DDX3X: variants seen among roughly 807,000 people sequenced by gnomAD.
The protein encoded by DDX3X is DEAD-box helicase 3 X-linked, also known as ATP-dependent RNA helicase DDX3X.
A neutral mutation model predicts 52.7 loss-of-function variants in DDX3X; 4 were observed. That is an observed-to-expected ratio of 0.08 (90% confidence interval 0.04 to 0.17). The LOEUF (loss-of-function observed/expected upper bound fraction) is 0.17. Ranked by LOEUF, DDX3X falls within the 10% of genes least tolerant of loss-of-function variation. DDX3X has a pLI of 1.00. For missense variants in DDX3X, 222 were observed against 548.6 expected (o/e 0.40, Z 5.95); for synonymous variants, 192 against 178.1 (o/e 1.08, Z -0.62).
At chrX:41,341,038 T>C (rs961410413) in intron 3 of DDX3X, 3 of 212,389 alleles carry the variant, frequency 1.4e-5, no homozygotes, top group African/African-American at 8.8e-5. Context: ...CGTGCTGGAG[T>C]GCAGTGGCGC....
chrX:41,347,814 C>T lies in DDX3X; in HGVS notation c.*95C>T, dbSNP rs755187450. The stretch of plus-strand genomic sequence containing the variant: ...TACCTTGTGTAGCTTCAAGAACTCG[C>T]AGTACATTACCAGCTGTGATTCTCC... On this transcript the variant is annotated 3_prime_UTR_variant, in exon 17 of 17. Transcript: ENST00000644876. 45 of 565,068 alleles carry T rather than the reference C, an allele frequency of 8.0e-5. No homozygotes were observed. Among genetic ancestry groups the T allele is most frequent in the Non-Finnish European group, 1.2e-4 (42 of 352,817 alleles). The allele number at this position is 565,068 out of a possible 1,213,427, so 46.6% of individuals were successfully genotyped here.
chrX:41,338,589 T>C (rs752501112), intron 2 of DDX3X: 1 of 112,267 alleles, frequency 8.9e-6, no homozygotes, highest in South Asian at 3.7e-4. Flanking sequence ...TTTGCAGCTT[T>C]TCCTTGTTTA....
chrX:41,339,510 T>A (rs1243038316), intron 3 of DDX3X: 1 of 112,900 alleles, frequency 8.9e-6, no homozygotes, highest in Non-Finnish European at 1.9e-5. Flanking sequence ...GTTACAGCGT[T>A]GGAAGTGATT....
At chrX:41,350,798 C>T (rs1402182397), downstream of DDX3X, 2 of 111,868 alleles carry the variant, frequency 1.8e-5, no homozygotes, top group African/African-American at 6.5e-5. Flanking sequence ...GCTTACTGTA[C>T]ACACTGCTGC....
Position 41,346,544 on chromosome X carries a change from G to A in DDX3X, c.1537G>A (p.Val513Ile), listed in dbSNP as rs2063927856. 1 of 1,209,691 alleles carries A rather than the reference G, an allele frequency of 8.3e-7. No individual in the cohort carries two copies. ...ACTGGACATTTCAAATGTGAAACAT[G>A]TTATCAATTTTGACTTGCCAAGTGA... ...RGLDISNVKH[V>I]INFDLPSDIE... Residue 513 changes from valine to isoleucine, a missense_variant, in exon 14 of 17, where the codon GTT becomes ATT. Transcript: ENST00000644876.
chrX:41,341,789 G>A, intron 4 of DDX3X, 173 bp downstream of exon 4: 1 of 408,043 alleles, frequency 2.5e-6, no homozygotes, highest in South Asian at 4.7e-5. Flanking sequence ...ATGAAAATAG[G>A]AATATGCTCA....
At chrX:41,334,830 C>T (rs1357772459) in intron 1 of DDX3X, 2 of 850,324 alleles carry the variant, frequency 2.4e-6, no homozygotes, top group East Asian at 8.2e-5. Context: ...TGGCGGCGGC[C>T]TCTTTTGTGT....
At chrX:41,361,537 C>T (rs1054832036) in intron 5 of DDX3X, among the ~76,000 whole-genome samples, 1 of 110,630 alleles carries the variant, frequency 9.0e-6, no homozygotes, top group Non-Finnish European at 1.9e-5. Context: ...AAAAAAGTCA[C>T]AGTCACCTAT....
rs770884779 is a variant in DDX3X at position 41,337,391 on chromosome X, A to G, written c.46-17A>G. ...TATTTGAGCACATGGGGTGCTAACCATCTCACTCTCTTCTAGTTTGCTGGC... is the reference window on the plus strand; with the variant it reads ...TATTTGAGCACATGGGGTGCTAACCGTCTCACTCTCTTCTAGTTTGCTGGC... On this transcript the variant is annotated splice_polypyrimidine_tract_variant and intron_variant, in intron 1 of 16. Coordinates refer to ENST00000644876, the MANE Select transcript of DDX3X (RefSeq NM_001356.5). The G allele has an allele frequency of 3.3e-6, 4 of 1,202,664 alleles. No individual in the cohort carries two copies. The highest frequency in any genetic ancestry group is 2.3e-6 in the Non-Finnish European group (2 of 887,935).
chrX:41,346,167 A>C, intron 12 of DDX3X, 62 bp from the exon 13 acceptor site: 1 of 1,009,838 alleles, frequency 9.9e-7, no homozygotes, highest in Non-Finnish European at 1.4e-6. Context: ...AATTGTGCAT[A>C]CATAAGTGCA....
chrX:41,336,189 G>T (rs1167410446), intron 1 of DDX3X: 4 of 112,171 alleles, frequency 3.6e-5, no homozygotes, highest in Non-Finnish European at 5.6e-5. Context: ...CAAACAGGTT[G>T]GCAGCGGTAC....
At chrX:41,334,770 G>C in intron 1 of DDX3X, 1 of 953,994 alleles carries the variant, frequency 1.0e-6, no homozygotes, top group Non-Finnish European at 1.3e-6. Context: ...CGAGCAAGGG[G>C]TAGAACGCGG....
At chrX:41,362,007 T>G (rs2064031369) in intron 5 of DDX3X, among the ~76,000 whole-genome samples, 1 of 110,362 alleles carries the variant, frequency 9.1e-6, no homozygotes, top group East Asian at 2.8e-4. Context: ...CACTTGTCAT[T>G]GAATTTCCTA....
At chrX:41,345,985 A>G (rs989053035) in intron 12 of DDX3X, 2 of 377,213 alleles carry the variant, frequency 5.3e-6, no homozygotes, top group African/African-American at 5.2e-5. Flanking sequence ...GTAGTATGCC[A>G]TGATTGCACC....
intron 3 of DDX3X, chrX:41,340,201 G>C (rs1309984496): frequency 8.9e-6 from 1 of 112,255 alleles, no homozygotes; most frequent in Non-Finnish European, 1.9e-5. Flanking sequence ...GAGCCACCAT[G>C]CCTGGCTGGC....
intron 2 of DDX3X, 38 bp from the exon 3 acceptor site, chrX:41,338,998 G>A: frequency 3.1e-6 from 2 of 653,550 alleles, no homozygotes; most frequent in East Asian, 5.0e-5. Flanking sequence ...AGGTTTTTTG[G>A]CATTTAATTA....
At chrX:41,344,736 C>G (rs1456750193) in intron 10 of DDX3X, among the ~76,000 whole-genome samples, 1 of 112,135 alleles carries the variant, frequency 8.9e-6, no homozygotes, top group Non-Finnish European at 1.9e-5. Context: ...TCGCACCCGG[C>G]CAAGTATGTT....
chrX:41,363,470 T>C (rs2064037113), intron 5 of DDX3X, among the ~76,000 whole-genome samples: 1 of 108,993 alleles, frequency 9.2e-6, no homozygotes. Flanking sequence ...TATGGACATA[T>C]AATAGTTGAC....
chrX:41,342,032 A>C (rs1337360467), intron 4 of DDX3X: 4 of 150,114 alleles, frequency 2.7e-5, no homozygotes, highest in Non-Finnish European at 5.1e-5. Flanking sequence ...AACTCTTAAA[A>C]ACATCTTAGT....
Sources: allele counts gnomAD v4.1 joint callset (sites outside exome capture counted in the v4.1 genomes callset), GRCh38; gene constraint gnomAD v4.1.1; transcripts MANE v1.5; gene names NCBI Gene and HGNC (gene_info 2026-07-23, HGNC 2026-07-21).